Variants in ARHGAP20 observed in about 807,000 individuals in gnomAD.
The protein encoded by ARHGAP20 is rho GTPase-activating protein 20.
In ARHGAP20, 34 loss-of-function variants were observed where a neutral mutation model predicts 73.7. The ratio of observed to expected loss-of-function variants is 0.46; its 90% CI spans 0.35 to 0.61. ARHGAP20 has a LOEUF of 0.61. Ranked by LOEUF, ARHGAP20 falls within the 20% of genes least tolerant of loss-of-function variation. The pLI, the probability that ARHGAP20 is intolerant of heterozygous loss-of-function variation, is 0.00. For missense variants in ARHGAP20, 1,314 were observed against 1,420.9 expected (o/e 0.92, Z 1.21); for synonymous variants, 523 against 518.2 (o/e 1.01, Z -0.13).
intron 3 of ARHGAP20, among the ~76,000 whole-genome samples, chr11:110,626,702 C>T (rs1002637245): frequency 6.6e-6 from 1 of 151,906 alleles, no homozygotes; most frequent in African/African-American, 2.4e-5. Context: ...TTATATTTTC[C>T]ATGAAGTTCT....
At chr11:110,702,134 C>G (rs1950465037) in intron 1 of ARHGAP20, among the ~76,000 whole-genome samples, 1 of 151,972 alleles carries the variant, frequency 6.6e-6, no homozygotes, top group African/African-American at 2.4e-5. Flanking sequence ...CAAAAATCCT[C>G]AATAAAATAC....
At chr11:110,648,474 C>A (rs536976602) in intron 2 of ARHGAP20, among the ~76,000 whole-genome samples, 1 of 143,712 alleles carries the variant, frequency 7.0e-6, no homozygotes, top group South Asian at 2.3e-4. Context: ...AGTTCCACAC[C>A]ATAACATGAA....
Position 110,580,209 on chromosome 11 carries a change from T to G in ARHGAP20, c.2737A>C (p.Ser913Arg). Residue 913 changes from serine to arginine, a missense_variant, in exon 15 of 15, where the codon AGT becomes CGT. Ser to Arg is a moderately radical substitution (Grantham distance 110). This residue lies in a region of ARHGAP20 where 641 missense variants were observed against 636.9 expected (regional missense o/e 1.01). Coordinates refer to ENST00000683387, the MANE Select transcript of ARHGAP20 (RefSeq NM_001384657.1). ...TTCTCAGTGTTTTGGTTTGTGGCAC[T>G]ACTCTTGCCCACCTCAATCCCCATG... Reference protein sequence around the residue: ...LVMGIEVGKSSATNQNTEKVL... With the variant: ...LVMGIEVGKSRATNQNTEKVL... 1 of 1,614,222 alleles carries G rather than the reference T, an allele frequency of 6.2e-7. No individual in the cohort carries two copies. The highest frequency in any genetic ancestry group is 2.2e-5 in the East Asian group (1 of 44,886).
chr11:110,634,395 C>G (rs554581943), intron 2 of ARHGAP20, among the ~76,000 whole-genome samples: 6 of 152,168 alleles, frequency 3.9e-5, no homozygotes, highest in African/African-American at 1.4e-4. Context: ...GTATTACTAT[C>G]CCTCATTTTA....
At chr11:110,705,704 T>A (rs1435037007) in intron 1 of ARHGAP20, among the ~76,000 whole-genome samples, 1 of 152,166 alleles carries the variant, frequency 6.6e-6, no homozygotes, top group Non-Finnish European at 1.5e-5. Context: ...CCAGACTCAG[T>A]GGAGCAGTGA....
At chr11:110,614,478 T>C in intron 6 of ARHGAP20, 83 bp downstream of exon 6, 3 of 1,295,638 alleles carry the variant, frequency 2.3e-6, no homozygotes, top group African/African-American at 1.5e-5. Context: ...CCTGCCTGCC[T>C]GCCTGCTCTC....
At chr11:110,651,763 A>T (rs2135016292) in intron 2 of ARHGAP20, among the ~76,000 whole-genome samples, 2 of 150,862 alleles carry the variant, frequency 1.3e-5, no homozygotes, top group South Asian at 4.2e-4. Context: ...AAAAAAAAAT[A>T]AAACCCCAGG....
chr11:110,671,892 T>C (rs1411873915), intron 2 of ARHGAP20, among the ~76,000 whole-genome samples: 1 of 152,122 alleles, frequency 6.6e-6, no homozygotes, highest in Admixed American at 6.6e-5. Context: ...TATGTACTTT[T>C]TGGGAAAGTA....
intron 11 of ARHGAP20, among the ~76,000 whole-genome samples, chr11:110,587,818 T>G (rs1947711114): frequency 6.6e-6 from 1 of 152,220 alleles, no homozygotes; most frequent in Non-Finnish European, 1.5e-5. Flanking sequence ...AAAGTCTTCT[T>G]CTGTTCTATT....
rs779631800 is a variant in ARHGAP20, at chr11:110,579,401, A to G, written c.3545T>C (p.Ile1182Thr). Residue 1182 changes from isoleucine to threonine, a missense_variant, in exon 15 of 15, where the codon ATT becomes ACT. Coordinates refer to ENST00000683387, the MANE Select transcript of ARHGAP20 (RefSeq NM_001384657.1). The part of the protein sequence containing the change: ...PDSGPTVVCD[I>T]EDRYLTKDI Reference sequence around the variant, plus strand: ...GTCTTTGGTTAAATACCTGTCCTCAATGTCGCAGACCACTGTAGGCCCTGA... The same window carrying G: ...GTCTTTGGTTAAATACCTGTCCTCAGTGTCGCAGACCACTGTAGGCCCTGA... The G allele has an allele frequency of 5.0e-6, 8 of 1,602,498 alleles. No individual in the cohort carries two copies. Among genetic ancestry groups the G allele is most frequent in the Non-Finnish European group, 6.8e-6 (8 of 1,170,652 alleles).
chr11:110,680,144 C>G (rs902502347), intron 2 of ARHGAP20, among the ~76,000 whole-genome samples: 5 of 152,060 alleles, frequency 3.3e-5, no homozygotes, highest in Non-Finnish European at 7.4e-5. Flanking sequence ...ATGCCAAATA[C>G]ATTATAAAAT....
At chr11:110,621,154 T>C (rs1219457976) in intron 4 of ARHGAP20, among the ~76,000 whole-genome samples, 3 of 149,418 alleles carry the variant, frequency 2.0e-5, no homozygotes, top group African/African-American at 4.9e-5. Flanking sequence ...ATAATTCAAA[T>C]TGTCATTTTC....
At position 110,580,790 on chromosome 11, in the gene ARHGAP20, C is replaced by G; in HGVS notation, c.2156G>C (p.Arg719Thr). 1 of 1,614,156 alleles carries G rather than the reference C, an allele frequency of 6.2e-7. No homozygotes were observed. Among genetic ancestry groups the G allele is most frequent in the East Asian group, 2.2e-5 (1 of 44,880 alleles). Residue 719 changes from arginine (R) to threonine (T), a missense_variant, in exon 15 of 15, where the codon AGG becomes ACG. Physicochemically the swap from Arg to Thr is moderately conservative, Grantham distance 71 (BLOSUM62 -1). Around this residue, in one of 3 missense-constraint regions of ARHGAP20, gnomAD observed 641 missense variants for 636.9 expected, o/e 1.01. Transcript: ENST00000683387. ...GCGTAGCTTTTTCTGATAAAACTCC[C>G]TGAGGTAGGAAAGCTTTGAATCCAG... Reference protein sequence around the residue: ...DYLDSKLSYLREFYQKKLRKS... With the variant: ...DYLDSKLSYLTEFYQKKLRKS...
intron 2 of ARHGAP20, 69 bp downstream of exon 2, chr11:110,690,478 G>A: frequency 2.1e-6 from 3 of 1,436,550 alleles, no homozygotes; most frequent in Non-Finnish European, 2.9e-6. Flanking sequence ...TATGTGATCT[G>A]AAAAACTCTT....
At chr11:110,665,258 G>T (rs573777764) in intron 2 of ARHGAP20, among the ~76,000 whole-genome samples, 1 of 151,958 alleles carries the variant, frequency 6.6e-6, no homozygotes, top group African/African-American at 2.4e-5. Flanking sequence ...AACACAAAAG[G>T]TCTAAAATCA....
rs34690115 is a variant in ARHGAP20, at chr11:110,578,317, G to A, written c.*1053C>T. ...TTCTATTGTGGGACTCCTTATAACC[G>A]GCCAACCTCAATATTGCTCTCTCAA... On this transcript the variant is annotated 3_prime_UTR_variant, in exon 15 of 15. Transcript: ENST00000683387. The A allele has an allele frequency of 0.067, 66,040 of 985,274 alleles. 2,303 individuals carry two copies. Among genetic ancestry groups the A allele is most frequent in the Middle Eastern group, 0.082 (156 of 1,914 alleles). 61.0% of individuals were successfully genotyped at this position (985,274 alleles called of 1,614,324 possible). A position where few individuals can be genotyped will look rare whatever the true frequency, so the allele number is the denominator to read the frequency against.
At chr11:110,640,325 C>G (rs4583006) in intron 2 of ARHGAP20, among the ~76,000 whole-genome samples, 13,339 of 151,936 alleles carry the variant, frequency 0.088, 777 homozygotes, top group South Asian at 0.13. Flanking sequence ...AAGCCCAGAT[C>G]ATTAGCTTAT....
intron 3 of ARHGAP20, among the ~76,000 whole-genome samples, chr11:110,625,452 C>G (rs1246406097): frequency 1.3e-5 from 2 of 152,144 alleles, no homozygotes; most frequent in African/African-American, 4.8e-5. Flanking sequence ...ACAAGATTTT[C>G]TAGCCTTTAG....
At chr11:110,696,577 C>A (rs1302634988) in intron 1 of ARHGAP20, among the ~76,000 whole-genome samples, 1 of 151,070 alleles carries the variant, frequency 6.6e-6, no homozygotes, top group Non-Finnish European at 1.5e-5. Context: ...TTAAAAAATT[C>A]TAGATTCATG....
Sources: allele counts gnomAD v4.1 joint callset (sites outside exome capture counted in the v4.1 genomes callset), GRCh38; gene constraint gnomAD v4.1.1; regional missense constraint gnomAD v4.1.1; transcripts MANE v1.5; gene names NCBI Gene and HGNC (gene_info 2026-07-23, HGNC 2026-07-21).